Variants in PRKCB observed in about 807,000 individuals in gnomAD.
PRKCB encodes the protein protein kinase C beta type.
PRKCB carries 13 observed loss-of-function variants against 81.5 expected under a neutral mutation model. The observed-to-expected ratio is 0.16, with a 90% CI of 0.10 to 0.25. The LOEUF is 0.25. Ranked by LOEUF, PRKCB falls within the 10% of genes least tolerant of loss-of-function variation. PRKCB has a pLI of 1.00. For synonymous variants in PRKCB, 335 were observed against 321.4 expected, an observed-to-expected ratio of 1.04 and a Z score of -0.45; for missense variants, 509 against 875.7, an observed-to-expected ratio of 0.58 and a Z score of 5.29.
chr16:23,981,579 CCTT>C (rs1964703575), intron 2 of PRKCB, among the ~76,000 whole-genome samples: 1 of 27,414 alleles, frequency 3.6e-5, no homozygotes, highest in Non-Finnish European at 8.7e-5. Context: ...CCTTTCTTTT[CCTT>C]TCCTTTCCTT....
chr16:24,131,154 G>C (rs1966852895), intron 9 of PRKCB, among the ~76,000 whole-genome samples: 1 of 152,172 alleles, frequency 6.6e-6, no homozygotes, highest in African/African-American at 2.4e-5. Flanking sequence ...AAATTAAAAA[G>C]AAAAAGTGAA....
chr16:24,093,139 G>GA (rs569862207), intron 6 of PRKCB, among the ~76,000 whole-genome samples, 192 bp downstream of exon 6: 194 of 152,068 alleles, frequency 1.3e-3, no homozygotes, highest in African/African-American at 4.5e-3. Context: ...TGTGAGCCAA[G>GA]AAAAAAAATT....
chr16:23,891,110 C>T (rs1410943063), intron 2 of PRKCB, among the ~76,000 whole-genome samples: 1 of 151,264 alleles, frequency 6.6e-6, no homozygotes, highest in Non-Finnish European at 1.5e-5. Context: ...GATCATGGCT[C>T]ACTGCAGCCT....
intron 2 of PRKCB, among the ~76,000 whole-genome samples, chr16:23,955,775 C>T (rs989600600): frequency 2.6e-5 from 4 of 152,172 alleles, no homozygotes; most frequent in African/African-American, 4.8e-5. Context: ...TGACCAGGGG[C>T]TTCCGACAGA....
chr16:24,193,461 AAAT>A lies in PRKCB; in HGVS notation c.1863+2234_1863+2236del, dbSNP rs1352973833. Among the ~76,000 whole-genome samples the A allele has an allele frequency of 4.5e-4, 45 of 99,314 alleles. 1 individual carries two copies. Among genetic ancestry groups the A allele is most frequent in the South Asian group, 9.8e-4 (3 of 3,052 alleles). 65.2% of individuals were successfully genotyped at this position (99,314 alleles called of 152,430 possible). Reference sequence around the variant, plus strand: ...CTCCATCTCAAATAAATAAATAAATAAATAAATAAATAAATAAATAAATAAATA... The same window carrying A: ...CTCCATCTCAAATAAATAAATAAATAAAATAAATAAATAAATAAATAAATA... On this transcript the variant is annotated intron_variant, in intron 16 of 16. Coordinates refer to ENST00000643927, the MANE Select transcript of PRKCB (RefSeq NM_002738.7).
intron 2 of PRKCB, among the ~76,000 whole-genome samples, chr16:23,943,669 C>T (rs195997): frequency 0.55 from 83,403 of 152,094 alleles, 23,574 homozygotes; most frequent in East Asian, 0.66. Flanking sequence ...ATGCATTTTA[C>T]GTAGGAAAAA....
At chr16:24,060,261 A>G (rs2141876860) in intron 5 of PRKCB, among the ~76,000 whole-genome samples, 1 of 152,270 alleles carries the variant, frequency 6.6e-6, no homozygotes, top group East Asian at 1.9e-4. Context: ...TGGCGAGCAG[A>G]GAGAGTAGCC....
At chr16:24,009,809 G>A (rs1333919880) in intron 3 of PRKCB, among the ~76,000 whole-genome samples, 1 of 151,950 alleles carries the variant, frequency 6.6e-6, no homozygotes, top group African/African-American at 2.4e-5. Context: ...GAGGTCAGGA[G>A]TTTGAGACCA....
intron 5 of PRKCB, among the ~76,000 whole-genome samples, chr16:24,084,823 G>A (rs901083460): frequency 5.9e-5 from 9 of 152,192 alleles, no homozygotes; most frequent in African/African-American, 2.2e-4. Context: ...TAAGGAATGG[G>A]AAATTAACTA....
At chr16:24,161,879 T>G (rs1967261895) in intron 10 of PRKCB, among the ~76,000 whole-genome samples, 1 of 152,198 alleles carries the variant, frequency 6.6e-6, no homozygotes, top group South Asian at 2.1e-4. Context: ...AAGAATTATG[T>G]TTCTTCCATT....
At position 23,852,776 on chromosome 16, in the gene PRKCB, C is replaced by T. The variant is rs555706140; in HGVS notation, c.205+15370C>T. Among the ~76,000 whole-genome samples, 31 of 152,348 alleles carry T rather than the reference C, an allele frequency of 2.0e-4. No individual in the cohort carries two copies. The South Asian group carries it at 6.2e-3, about 31-fold the overall frequency. On this transcript the variant is annotated intron_variant, in intron 2 of 16. Coordinates refer to ENST00000643927, the MANE Select transcript of PRKCB (RefSeq NM_002738.7). Reference sequence around the variant, plus strand: ...TCAGGAGTAATCACTATCCTAACCTCTATCACCTATGATTACTTTCATCTG... The same window carrying T: ...TCAGGAGTAATCACTATCCTAACCTTTATCACCTATGATTACTTTCATCTG...
At chr16:23,964,579 C>T (rs1317012926) in intron 2 of PRKCB, among the ~76,000 whole-genome samples, 1 of 151,926 alleles carries the variant, frequency 6.6e-6, no homozygotes, top group Non-Finnish European at 1.5e-5. Context: ...TCCACCTAAC[C>T]TTTTAAGGTA....
intron 5 of PRKCB, among the ~76,000 whole-genome samples, chr16:24,074,482 G>A (rs1966154078): frequency 1.3e-5 from 2 of 152,206 alleles, no homozygotes; most frequent in African/African-American, 4.8e-5. Flanking sequence ...TTCATGTGCA[G>A]TCCTTAGAAT....
chr16:24,073,318 T>C (rs921923783), intron 5 of PRKCB, among the ~76,000 whole-genome samples: 1 of 152,192 alleles, frequency 6.6e-6, no homozygotes, highest in Non-Finnish European at 1.5e-5. Context: ...CTACCTGCCT[T>C]AAACATTTTT....
chr16:24,099,123 A>G (rs1346786565), intron 7 of PRKCB: 1 of 152,210 alleles, frequency 6.6e-6, no homozygotes, highest in Admixed American at 6.5e-5. Context: ...GCTACTACTC[A>G]TTGACTCTTA....
In PRKCB at chr16:24,051,936, C is replaced by G. The variant is rs960576466; in HGVS notation, c.529+16389C>G. ...ACCATCCTGGCCAACATGGTGAAAC[C>G]CTGTCTCTACTAAAAATACAAAAAT... On this transcript the variant is annotated intron_variant, in intron 5 of 16. Transcript: ENST00000643927. Among the ~76,000 whole-genome samples, 82 of 152,018 alleles carry G rather than the reference C, an allele frequency of 5.4e-4. 1 individual carries two copies. The highest frequency in any genetic ancestry group is 1.9e-3 in the African/African-American group (78 of 41,468).
chr16:23,855,441 CACAA>C (rs1962548869), intron 2 of PRKCB, among the ~76,000 whole-genome samples: 1 of 152,040 alleles, frequency 6.6e-6, no homozygotes, highest in South Asian at 2.1e-4. Context: ...CAACAAAAAC[CACAA>C]ACAAACAAAA....
chr16:23,942,969 A>C (rs1054512252), intron 2 of PRKCB, among the ~76,000 whole-genome samples: 14 of 152,162 alleles, frequency 9.2e-5, no homozygotes, highest in African/African-American at 3.1e-4. Flanking sequence ...TGTCTCTTCT[A>C]TCTTGTTCTT....
intron 2 of PRKCB, among the ~76,000 whole-genome samples, chr16:23,985,126 C>G (rs187514427): frequency 6.6e-6 from 1 of 152,174 alleles, no homozygotes; most frequent in African/African-American, 2.4e-5. Context: ...GAGTCTCGCT[C>G]TGTTGCCCAG....
Sources: gnomAD v4.1 joint callset for allele counts (sites outside exome capture counted in the v4.1 genomes callset) on GRCh38, gnomAD v4.1.1 for gene constraint, MANE v1.5 for transcripts, NCBI Gene and HGNC (gene_info 2026-07-23, HGNC 2026-07-21) for gene names.